Variants in THSD4 observed in about 807,000 individuals in gnomAD.
The protein encoded by THSD4 is thrombospondin type 1 domain containing 4.
THSD4 carries 69 observed loss-of-function variants against 119.0 expected under a neutral mutation model. The ratio of observed to expected loss-of-function variants is 0.58; its 90% CI spans 0.48 to 0.71. The LOEUF (loss-of-function observed/expected upper bound fraction) is 0.71, where lower values mean the gene tolerates loss of function less well. THSD4 is among the 30% of genes least tolerant of loss of function. The pLI, the probability that THSD4 is intolerant of heterozygous loss-of-function variation, is 0.00. For synonymous variants in THSD4, 524 were observed against 540.4 expected, an observed-to-expected ratio of 0.97 and a Z score of 0.42; for missense variants, 1,393 against 1,391.1, an observed-to-expected ratio of 1.00 and a Z score of -0.02.
Position 71,141,573 on chromosome 15 carries a change from T to C in THSD4, c.29+17T>C, listed in dbSNP as rs1490274326. ...GTCTCTCAGGTAAGTGAAGAAACTT[T>C]TTTTAAAAAAACAGGAGAATAAGAA... On this transcript the variant is annotated intron_variant, in intron 2 of 17. Coordinates refer to ENST00000261862, the MANE Select transcript of THSD4 (RefSeq NM_024817.3). 2.5e-6 allele frequency: 4 copies of C among 1,602,910 alleles called. No homozygotes were observed. Among genetic ancestry groups the C allele is most frequent in the African/African-American group, 1.3e-5 (1 of 74,592 alleles).
chr15:71,591,456 G>A (rs959792530), intron 7 of THSD4, among the ~76,000 whole-genome samples: 11 of 152,222 alleles, frequency 7.2e-5, no homozygotes, highest in Non-Finnish European at 1.3e-4. Context: ...CACAGCAAGA[G>A]CATTGCTATA....
intron 6 of THSD4, among the ~76,000 whole-genome samples, chr15:71,263,580 C>T (rs796486750): frequency 2.0e-4 from 30 of 152,290 alleles, no homozygotes; most frequent in African/African-American, 6.3e-4. Context: ...GTGTCTTCCA[C>T]AATGGGTGAA....
chr15:71,532,301 TG>T, intron 7 of THSD4, among the ~76,000 whole-genome samples: 1 of 111,378 alleles, frequency 9.0e-6, no homozygotes, highest in African/African-American at 2.9e-5. Context: ...TGTGTGTGTG[TG>T]TGTGTGTGTG....
chr15:71,213,602 C>T (rs919052967), intron 3 of THSD4, among the ~76,000 whole-genome samples: 3 of 152,164 alleles, frequency 2.0e-5, no homozygotes, highest in African/African-American at 7.2e-5. Context: ...CACTGGCATA[C>T]AGCTGGTGCT....
At chr15:71,451,189 A>AG (rs905085090) in intron 7 of THSD4, among the ~76,000 whole-genome samples, 2 of 152,184 alleles carry the variant, frequency 1.3e-5, no homozygotes, top group Non-Finnish European at 2.9e-5. Context: ...AAGAAAAAAA[A>AG]GGGAGGCTTC....
chr15:71,680,268 C>T (rs1595857947), intron 8 of THSD4, among the ~76,000 whole-genome samples: 1 of 152,158 alleles, frequency 6.6e-6, no homozygotes, highest in African/African-American at 2.4e-5. Context: ...TCTGGGAACA[C>T]CAAGGTTCTC....
At chr15:71,497,034 A>G (rs2048028111) in intron 7 of THSD4, among the ~76,000 whole-genome samples, 1 of 152,204 alleles carries the variant, frequency 6.6e-6, no homozygotes, top group Non-Finnish European at 1.5e-5. Context: ...AAGAAATGGA[A>G]CACCAGCACT....
intron 3 of THSD4, chr15:71,172,174 A>C (rs1404053162): frequency 6.6e-6 from 1 of 151,866 alleles, no homozygotes; most frequent in Non-Finnish European, 1.5e-5. Context: ...AAAATATGAA[A>C]ATTAGCTGGG....
intron 6 of THSD4, among the ~76,000 whole-genome samples, chr15:71,407,254 T>C (rs1434363064): frequency 6.6e-6 from 1 of 152,168 alleles, no homozygotes; most frequent in Non-Finnish European, 1.5e-5. Flanking sequence ...AGGTCTGCTT[T>C]CTCCCCCATT....
At chr15:71,500,125 C>T (rs2048088029) in intron 7 of THSD4, among the ~76,000 whole-genome samples, 2 of 152,242 alleles carry the variant, frequency 1.3e-5, no homozygotes, top group South Asian at 4.1e-4. Flanking sequence ...CCAATTTCTC[C>T]ACATTCTCAC....
chr15:71,533,967 A>G (rs994448495), intron 7 of THSD4, among the ~76,000 whole-genome samples: 2 of 152,206 alleles, frequency 1.3e-5, no homozygotes, highest in African/African-American at 2.4e-5. Context: ...ACTGATTTAA[A>G]ATCATGTTAA....
rs2053962828 is a variant in THSD4 at position 71,779,251 on chromosome 15, CCTGG to C, written c.*1879_*1882del. 6.6e-6 allele frequency: 1 copy of C among 152,248 alleles called. No individual in the cohort carries two copies. Among genetic ancestry groups the C allele is most frequent in the African/African-American group, 2.4e-5 (1 of 41,444 alleles). 9.4% of individuals were successfully genotyped at this position (152,248 alleles called of 1,614,324 possible). ...TCTTGGAACTCCTACAGATAAGCAT[CCTGG>C]CAGAGGCCCAGGCTCCCAAACCGAC... On this transcript the variant is annotated 3_prime_UTR_variant, in exon 18 of 18. Transcript: ENST00000261862.
At chr15:71,752,783 CT>C (rs1484053746) in intron 14 of THSD4, among the ~76,000 whole-genome samples, 2 of 152,214 alleles carry the variant, frequency 1.3e-5, no homozygotes, top group Non-Finnish European at 2.9e-5. Flanking sequence ...CTGCTTCATT[CT>C]TCTTCAGCTG....
At chr15:71,377,685 C>T (rs1483455654) in intron 6 of THSD4, among the ~76,000 whole-genome samples, 1 of 152,064 alleles carries the variant, frequency 6.6e-6, no homozygotes, top group Non-Finnish European at 1.5e-5. Context: ...CATTCTGTTT[C>T]AGGGCAGCTA....
intron 15 of THSD4, among the ~76,000 whole-genome samples, chr15:71,760,158 C>A (rs1326356888): frequency 2.6e-5 from 4 of 152,136 alleles, no homozygotes; most frequent in Non-Finnish European, 5.9e-5. Flanking sequence ...AGTGATTAGT[C>A]CAGGAGTAGA....
intron 6 of THSD4, among the ~76,000 whole-genome samples, chr15:71,377,714 C>T (rs1012513490): frequency 3.3e-5 from 5 of 151,988 alleles, no homozygotes; most frequent in South Asian, 2.1e-4. Flanking sequence ...CTAAGCTAAC[C>T]GTGTATCTCC....
rs190421889 is a variant in THSD4 at position 71,537,159 on chromosome 15, C to T, written c.1153-123371C>T. Among the ~76,000 whole-genome samples, 288 of 152,238 alleles carry T rather than the reference C, an allele frequency of 1.9e-3. 1 individual carries two copies. The highest frequency in any genetic ancestry group is 6.8e-3 in the African/African-American group (281 of 41,540). ...AAATGTTGTCAATTATCTTTGAAAT[C>T]ATTCACTTCTTTCCACCATCCCAGT... On this transcript the variant is annotated intron_variant, in intron 7 of 17. Transcript: ENST00000261862.
chr15:71,334,403 C>T (rs1344135214), intron 6 of THSD4, among the ~76,000 whole-genome samples: 1 of 152,206 alleles, frequency 6.6e-6, no homozygotes, highest in East Asian at 1.9e-4. Flanking sequence ...GAACAGGTCA[C>T]AGAAGAATTT....
chr15:71,591,386 A>C (rs1323702179), intron 7 of THSD4, among the ~76,000 whole-genome samples: 1 of 152,190 alleles, frequency 6.6e-6, no homozygotes, highest in African/African-American at 2.4e-5. Flanking sequence ...CTGTTTATGC[A>C]TGTCACAAAC....
Sources: gnomAD v4.1 joint callset for allele counts (sites outside exome capture counted in the v4.1 genomes callset) on GRCh38, gnomAD v4.1.1 for gene constraint, MANE v1.5 for transcripts, NCBI Gene and HGNC (gene_info 2026-07-23, HGNC 2026-07-21) for gene names.